Variants in ZNF253 observed in about 807,000 individuals in gnomAD.
ZNF253 encodes the protein zinc finger protein 253.
ZNF253 carries 8 observed loss-of-function variants against 11.9 expected under a neutral mutation model. The ratio of observed to expected loss-of-function variants is 0.67; its 90% CI spans 0.40 to 1.22. ZNF253 has a LOEUF of 1.22. Among genes scored for constraint, ZNF253 ranks in the 50% most tolerant of loss-of-function variants. The pLI is 0.01. For missense variants in ZNF253, 485 were observed against 586.9 expected (o/e 0.83, Z 1.79); for synonymous variants, 194 against 194.9 (o/e 1.00, Z 0.04).
Position 19,892,769 on chromosome 19 carries a change from A to G in ZNF253, c.*22A>G. ...ATAATTCATACTGGAGAGAAACCCT[A>G]TGAATGTGATGAATGTGGGAAAGCC... is the stretch of plus-strand genomic sequence containing the variant. On this transcript the variant is annotated 3_prime_UTR_variant, in exon 4 of 4. Coordinates refer to ENST00000589717, the MANE Select transcript of ZNF253 (RefSeq NM_021047.3). 6.5e-7 allele frequency: 1 copy of G among 1,548,162 alleles called. No individual in the cohort carries two copies. The highest frequency in any genetic ancestry group is 8.7e-7 in the Non-Finnish European group (1 of 1,151,014).
At position 19,891,516 on chromosome 19, in the gene ZNF253, T is replaced by G. The variant is rs1277277766; in HGVS notation, c.269T>G (p.Ile90Arg). 6.2e-7 allele frequency: 1 copy of G among 1,611,668 alleles called. No individual in the cohort carries two copies. Among genetic ancestry groups the G allele is most frequent in the Admixed American group, 1.7e-5 (1 of 59,542 alleles). ...HFAQDLWPEN[I>R]QNSFQIGMLR... is the part of the protein sequence containing the mutation. Reference sequence around the variant, plus strand: ...GCCCAAGACCTTTGGCCAGAGAACATACAAAATTCTTTCCAAATAGGGATG... The same window carrying G: ...GCCCAAGACCTTTGGCCAGAGAACAGACAAAATTCTTTCCAAATAGGGATG... The change falls in exon 4 of 4, where the codon ATA becomes AGA. Residue 90 changes from isoleucine (I) to arginine (R), a missense_variant. Ile to Arg is a moderately conservative substitution (Grantham distance 97, BLOSUM62 -3). Coordinates refer to ENST00000589717, the MANE Select transcript of ZNF253 (RefSeq NM_021047.3).
chr19:19,865,897 T>A lies in ZNF253; in HGVS notation c.-100T>A, dbSNP rs372777311. 1.3e-4 allele frequency: 192 copies of A among 1,460,956 alleles called. 1 individual carries two copies. Among genetic ancestry groups the A allele is most frequent in the Non-Finnish European group, 3.7e-5 (39 of 1,040,564 alleles). 90.5% of individuals were successfully genotyped at this position (1,460,956 alleles called of 1,614,324 possible). On this transcript the variant is annotated 5_prime_UTR_variant, in exon 1 of 4. Coordinates refer to ENST00000589717, the MANE Select transcript of ZNF253 (RefSeq NM_021047.3). ...GGAGCTCCAGGTTTATCCTCAGTGT[T>A]CTGTGTCCTGTGCTTATAGAGGCCC...
At chr19:19,880,640 G>A (rs2063174159) in intron 3 of ZNF253, among the ~76,000 whole-genome samples, 1 of 151,858 alleles carries the variant, frequency 6.6e-6, no homozygotes, top group African/African-American at 2.4e-5. Context: ...AGGAGGTGGA[G>A]GTTGCAGTGA....
intron 1 of ZNF253, among the ~76,000 whole-genome samples, chr19:19,873,175 A>G (rs1052167005): frequency 1.3e-5 from 2 of 151,360 alleles, no homozygotes; most frequent in African/African-American, 4.8e-5. Flanking sequence ...AGAATCTGTA[A>G]GTGTAAATAA....
At chr19:19,873,529 CAGTGTA>C (rs1444303862) in intron 1 of ZNF253, among the ~76,000 whole-genome samples, 1 of 152,142 alleles carries the variant, frequency 6.6e-6, no homozygotes. Context: ...GCTTCTGTCT[CAGTGTA>C]AGAGAAATGA....
At chr19:19,888,519 A>C (rs1382540335) in intron 3 of ZNF253, among the ~76,000 whole-genome samples, 1 of 150,632 alleles carries the variant, frequency 6.6e-6, no homozygotes, top group African/African-American at 2.4e-5. Flanking sequence ...AGTGGTATCT[A>C]GGGGATTACA....
intron 2 of ZNF253, 63 bp downstream of exon 2, chr19:19,878,670 A>G: frequency 6.5e-7 from 1 of 1,536,288 alleles, no homozygotes. Flanking sequence ...TCTTTTTTGT[A>G]GAATGTTTGT....
rs926620965 is a variant in ZNF253 at position 19,894,019 on chromosome 19, G to A, written c.*1272G>A. On this transcript the variant is annotated 3_prime_UTR_variant, in exon 4 of 4. Transcript: ENST00000589717. ...ACCAAAATATATTTTTGCAGATGCAGTAAATATCAAAAAATATTTAATTCA... is the reference window on the plus strand; with the variant it reads ...ACCAAAATATATTTTTGCAGATGCAATAAATATCAAAAAATATTTAATTCA... The A allele has an allele frequency of 2.0e-5, 3 of 152,134 alleles. No individual in the cohort carries two copies. Among genetic ancestry groups the A allele is most frequent in the African/African-American group, 7.2e-5 (3 of 41,430 alleles). 9.4% of individuals were successfully genotyped at this position (152,134 alleles called of 1,614,324 possible). A position where few individuals can be genotyped will look rare whatever the true frequency, so the allele number is the denominator to read the frequency against.
chr19:19,881,387 G>A (rs1190987655), intron 3 of ZNF253, among the ~76,000 whole-genome samples: 2 of 151,828 alleles, frequency 1.3e-5, no homozygotes, highest in African/African-American at 2.4e-5. Context: ...ACTAGATCAC[G>A]CCTGTAATCC....
Position 19,883,240 on chromosome 19 carries a change from A to AT in ZNF253, c.226+3101dup, listed in dbSNP as rs199730569. Among the ~76,000 whole-genome samples, 378 of 152,176 alleles carry AT rather than the reference A, an allele frequency of 2.5e-3. 4 individuals carry two copies. The highest frequency in any genetic ancestry group is 0.01 in the Middle Eastern group (3 of 292). On this transcript the variant is annotated intron_variant, in intron 3 of 3. Coordinates refer to ENST00000589717, the MANE Select transcript of ZNF253 (RefSeq NM_021047.3). Reference sequence around the variant, plus strand: ...TTTTCAAAAGGATTTATAATTCTGTATTTTTTTCTGTTTTTCTTTAAAACT... The same window carrying AT: ...TTTTCAAAAGGATTTATAATTCTGTATTTTTTTTCTGTTTTTCTTTAAAACT...
intron 3 of ZNF253, among the ~76,000 whole-genome samples, chr19:19,889,384 T>C (rs778247008): frequency 4.6e-5 from 7 of 152,188 alleles, no homozygotes; most frequent in Non-Finnish European, 4.4e-5. Context: ...TCTCACTCTG[T>C]TGCCCAGGCT....
chr19:19,892,448 T>G lies in ZNF253; in HGVS notation c.1201T>G (p.Cys401Gly), dbSNP rs1462071968. 1.2e-6 allele frequency: 2 copies of G among 1,613,874 alleles called. No individual in the cohort carries two copies. Among genetic ancestry groups the G allele is most frequent in the East Asian group, 4.5e-5 (2 of 44,864 alleles). ...AGAGAAACCCTACAAATGTGATGAATGTGGCAAAACCTTTACCTGGCCCTC... is the reference window on the plus strand; with the variant it reads ...AGAGAAACCCTACAAATGTGATGAAGGTGGCAAAACCTTTACCTGGCCCTC... ...TGEKPYKCDE[C>G]GKTFTWPSIL... The change falls in exon 4 of 4, where the codon TGT (cysteine) becomes GGT (glycine). Residue 401 changes from cysteine to glycine, a missense_variant. Around this residue, in one of 3 missense-constraint regions of ZNF253, gnomAD observed 232 missense variants for 321.4 expected, o/e 0.72. Transcript: ENST00000589717.
intron 3 of ZNF253, among the ~76,000 whole-genome samples, chr19:19,885,687 G>A (rs1291687442): frequency 2.0e-5 from 3 of 151,940 alleles, no homozygotes; most frequent in Non-Finnish European, 2.9e-5. Context: ...CACCGTGCCC[G>A]GCTTGTTTTG....
At chr19:19,871,311 T>A (rs2063133176) in intron 1 of ZNF253, 1 of 152,392 alleles carries the variant, frequency 6.6e-6, no homozygotes, top group African/African-American at 2.4e-5. Context: ...ACTGGAGTGC[T>A]GCTGTGGCAA....
At chr19:19,890,498 T>TTGTGTG (rs35114806) in intron 3 of ZNF253, among the ~76,000 whole-genome samples, 3,606 of 140,994 alleles carry the variant, frequency 0.026, 61 homozygotes, top group Middle Eastern at 0.069. Context: ...CAATTTATAT[T>TTGTGTG]TGTGTGTGTG....
chr19:19,872,586 TATA>T (rs2063139287), intron 1 of ZNF253, among the ~76,000 whole-genome samples: 1 of 65,578 alleles, frequency 1.5e-5, no homozygotes, highest in East Asian at 1.3e-3. Context: ...TATATTATTA[TATA>T]TATATATATA....
At chr19:19,866,969 C>A (rs1227794698) in intron 1 of ZNF253, among the ~76,000 whole-genome samples, 1 of 152,132 alleles carries the variant, frequency 6.6e-6, no homozygotes, top group Non-Finnish European at 1.5e-5. Context: ...GTCCTAAGAA[C>A]AAGGAACAAG....
At position 19,891,302 on chromosome 19, in the gene ZNF253, T is replaced by C. The variant is rs186373664; in HGVS notation, c.227-172T>C. 2.6e-3 allele frequency among the ~76,000 whole-genome samples: 401 copies of C among 152,356 alleles called. 1 individual carries two copies. The highest frequency in any genetic ancestry group is 9.0e-3 in the African/African-American group (374 of 41,572). On this transcript the variant is annotated intron_variant, in intron 3 of 3. Coordinates refer to ENST00000589717, the MANE Select transcript of ZNF253 (RefSeq NM_021047.3). ...ATTTATAAATTTTTTACAATTTTAT[T>C]TTTGTCACTATGTTTTTGTTACATT...
intron 3 of ZNF253, among the ~76,000 whole-genome samples, chr19:19,882,835 G>C (rs923468584): frequency 6.7e-4 from 102 of 151,786 alleles, no homozygotes; most frequent in African/African-American, 2.4e-3. Context: ...GCTGGGCATG[G>C]TGGCGGGCAC....
Sources: allele counts gnomAD v4.1 joint callset (sites outside exome capture counted in the v4.1 genomes callset), GRCh38; gene constraint gnomAD v4.1.1; regional missense constraint gnomAD v4.1.1; transcripts MANE v1.5; gene names NCBI Gene and HGNC (gene_info 2026-07-23, HGNC 2026-07-21).